Variants in AK8 observed in about 807,000 individuals in gnomAD.
The protein encoded by AK8 is ATP-AMP transphosphorylase 8.
A neutral mutation model predicts 54.6 loss-of-function variants in AK8; 44 were observed. That is an observed-to-expected ratio of 0.81 (90% CI 0.63 to 1.04). The LOEUF is 1.04. Ranked by LOEUF, AK8 falls within the 50% of genes least tolerant of loss-of-function variation. The pLI, the probability that AK8 is intolerant of heterozygous loss-of-function variation, is 0.00. For synonymous variants in AK8, 239 were observed against 245.6 expected (o/e 0.97, Z 0.25); for missense variants, 555 against 613.6 (o/e 0.90, Z 1.01).
At chr9:132,793,849 G>A (rs1840042312) in intron 10 of AK8, among the ~76,000 whole-genome samples, 1 of 152,168 alleles carries the variant, frequency 6.6e-6, no homozygotes, top group African/African-American at 2.4e-5. Flanking sequence ...CATTGGAACT[G>A]GTTCCTAGGG....
intron 11 of AK8, among the ~76,000 whole-genome samples, chr9:132,733,157 G>A (rs1038333424): frequency 2.0e-5 from 3 of 152,042 alleles, no homozygotes; most frequent in Non-Finnish European, 2.9e-5. Flanking sequence ...GAAAAGCCAC[G>A]TCCTCCTTGC....
intron 11 of AK8, among the ~76,000 whole-genome samples, chr9:132,756,564 G>A (rs187032994): frequency 6.6e-6 from 1 of 152,180 alleles, no homozygotes; most frequent in African/African-American, 2.4e-5. Flanking sequence ...GGGGAGAGGC[G>A]ATCAGCTGCC....
At chr9:132,744,403 G>C (rs1837537508) in intron 11 of AK8, among the ~76,000 whole-genome samples, 1 of 132,926 alleles carries the variant, frequency 7.5e-6, no homozygotes, top group Non-Finnish European at 1.6e-5. Flanking sequence ...AGTAACAGGA[G>C]AATAGACACG....
chr9:132,830,488 A>G (rs1305671536), intron 5 of AK8, among the ~76,000 whole-genome samples: 1 of 152,146 alleles, frequency 6.6e-6, no homozygotes, highest in Non-Finnish European at 1.5e-5. Context: ...TGCTGCTTTA[A>G]TTTACATTTC....
chr9:132,762,722 G>A (rs1312126878), intron 11 of AK8, among the ~76,000 whole-genome samples: 3 of 152,066 alleles, frequency 2.0e-5, no homozygotes, highest in African/African-American at 7.2e-5. Context: ...TGGCCAATAT[G>A]GAGAAACCCT....
intron 11 of AK8, among the ~76,000 whole-genome samples, chr9:132,742,169 CTTT>C (rs573195791): frequency 2.4e-5 from 3 of 126,592 alleles, no homozygotes; most frequent in African/African-American, 3.0e-5. Context: ...TGGACTTGGA[CTTT>C]TTTTTTTTTT....
rs780218168 is a variant in AK8, at chr9:132,770,695, G to A, written c.1121+21939C>T. On this transcript the variant is annotated intron_variant, in intron 11 of 12. Transcript: ENST00000298545. The surrounding 1 kb of genome is among the most constrained non-coding windows in gnomAD (Gnocchi z 4.3). Reference sequence around the variant, plus strand: ...AGACCGGGACAAGGCAGGGAAGAGCGGGATGGGTCGGCCCCTTCAAGGGGA... The same window carrying A: ...AGACCGGGACAAGGCAGGGAAGAGCAGGATGGGTCGGCCCCTTCAAGGGGA... Among the ~76,000 whole-genome samples the A allele has an allele frequency of 1.3e-5, 2 of 152,184 alleles. No individual in the cohort carries two copies. The highest frequency in any genetic ancestry group is 2.9e-5 in the Non-Finnish European group (2 of 68,012).
intron 5 of AK8, among the ~76,000 whole-genome samples, chr9:132,846,379 T>A (rs1301238393): frequency 6.6e-6 from 1 of 152,234 alleles, no homozygotes; most frequent in African/African-American, 2.4e-5. Flanking sequence ...TTTGCTTATT[T>A]ATCTGGTTTA....
intron 10 of AK8, among the ~76,000 whole-genome samples, chr9:132,814,278 C>CAAAAAAAA (rs71376658): frequency 1.6e-5 from 1 of 63,890 alleles, no homozygotes; most frequent in Non-Finnish European, 2.9e-5. Flanking sequence ...TACCCTGTCT[C>CAAAAAAAA]AAAAAAAAAA....
chr9:132,818,959 C>G (rs1841456721), intron 9 of AK8, among the ~76,000 whole-genome samples: 1 of 152,036 alleles, frequency 6.6e-6, no homozygotes, highest in African/African-American at 2.4e-5. Context: ...CATACAGACA[C>G]AAATCATAAG....
intron 10 of AK8, among the ~76,000 whole-genome samples, chr9:132,805,733 C>T (rs920026107): frequency 6.6e-6 from 1 of 152,096 alleles, no homozygotes; most frequent in Non-Finnish European, 1.5e-5. Flanking sequence ...CTCCAGCCCC[C>T]ACAATGCAAA....
intron 4 of AK8, among the ~76,000 whole-genome samples, chr9:132,861,770 G>A (rs1473478223): frequency 6.6e-6 from 1 of 152,216 alleles, no homozygotes; most frequent in African/African-American, 2.4e-5. Flanking sequence ...TTTAATGAGA[G>A]GCCTTGACTG....
intron 11 of AK8, among the ~76,000 whole-genome samples, chr9:132,757,289 C>G (rs1469608340): frequency 1.3e-5 from 2 of 152,188 alleles, no homozygotes; most frequent in Non-Finnish European, 2.9e-5. Flanking sequence ...TGGGCTCCCC[C>G]CGTCACCCTC....
chr9:132,829,255 G>C (rs1842009591), intron 5 of AK8, among the ~76,000 whole-genome samples: 1 of 152,018 alleles, frequency 6.6e-6, no homozygotes, highest in East Asian at 1.9e-4. Flanking sequence ...ACTGTGCCTG[G>C]CCTACATCTT....
intron 11 of AK8, among the ~76,000 whole-genome samples, chr9:132,748,082 A>G (rs1285312868): frequency 2.0e-5 from 3 of 151,756 alleles, no homozygotes. Context: ...CTGGGCAACA[A>G]GAGTGAAACT....
At chr9:132,778,908 T>C (rs1381941466) in intron 11 of AK8, among the ~76,000 whole-genome samples, 1 of 151,080 alleles carries the variant, frequency 6.6e-6, no homozygotes, top group Non-Finnish European at 1.5e-5. Context: ...CTCGATGGGG[T>C]CCTGAACAAA....
At chr9:132,850,087 T>C (rs1261842089) in intron 5 of AK8, among the ~76,000 whole-genome samples, 1 of 135,634 alleles carries the variant, frequency 7.4e-6, no homozygotes, top group Non-Finnish European at 1.6e-5. Flanking sequence ...AGGGTCTCAC[T>C]CTGTCACCCA....
At chr9:132,839,223 C>T (rs989113309) in intron 5 of AK8, among the ~76,000 whole-genome samples, 1 of 152,210 alleles carries the variant, frequency 6.6e-6, no homozygotes, top group African/African-American at 2.4e-5. Context: ...GGATTACAGG[C>T]GTGAGCCACC....
intron 10 of AK8, among the ~76,000 whole-genome samples, chr9:132,812,751 G>A (rs965750367): frequency 3.9e-5 from 6 of 152,160 alleles, no homozygotes; most frequent in Non-Finnish European, 4.4e-5. Context: ...TGGGGGCAGC[G>A]CTGGAATCTG....
Sources: allele counts gnomAD v4.1 joint callset (sites outside exome capture counted in the v4.1 genomes callset), GRCh38; gene constraint gnomAD v4.1.1; non-coding constraint Gnocchi (gnomAD v3.1); transcripts MANE v1.5; gene names NCBI Gene and HGNC (gene_info 2026-07-23, HGNC 2026-07-21).